The following EPHB1 variants were observed in gnomAD, a reference collection of about 807,000 sequenced individuals.
EPHB1 encodes the protein EPH receptor B1.
Under a neutral mutation model 94.4 loss-of-function variants are expected in EPHB1, and 30 were observed. The ratio of observed to expected loss-of-function variants is 0.32; its 90% CI spans 0.24 to 0.43. The LOEUF (loss-of-function observed/expected upper bound fraction) is 0.43. Ranked by LOEUF, EPHB1 falls within the 20% of genes least tolerant of loss-of-function variation. EPHB1 has a pLI of 1.00. For synonymous variants in EPHB1, 522 were observed against 489.1 expected, an observed-to-expected ratio of 1.07 and a Z score of -0.89; for missense variants, 1,055 against 1,308.3, an observed-to-expected ratio of 0.81 and a Z score of 2.99.
At chr3:135,198,918 C>T (rs1942690991) in intron 11 of EPHB1, among the ~76,000 whole-genome samples, 1 of 152,152 alleles carries the variant, frequency 6.6e-6, no homozygotes, top group Admixed American at 6.5e-5. Flanking sequence ...AGCCTGGATC[C>T]AAATCAGGTC....
At chr3:134,847,925 T>C (rs1393793783) in intron 1 of EPHB1, among the ~76,000 whole-genome samples, 6 of 152,258 alleles carry the variant, frequency 3.9e-5, no homozygotes, top group Non-Finnish European at 7.3e-5. Context: ...CACTGAGCCT[T>C]GCACATACTT....
chr3:134,924,169 A>T (rs1271808392), intron 1 of EPHB1, among the ~76,000 whole-genome samples: 1 of 152,240 alleles, frequency 6.6e-6, no homozygotes, highest in Non-Finnish European at 1.5e-5. Context: ...GGAGAAAAAA[A>T]TCTTTGTGAC....
chr3:134,913,992 T>C (rs2038512140), intron 1 of EPHB1, among the ~76,000 whole-genome samples: 1 of 152,108 alleles, frequency 6.6e-6, no homozygotes, highest in Non-Finnish European at 1.5e-5. Flanking sequence ...GCATGGTGTA[T>C]GTGGGGAGGT....
intron 3 of EPHB1, chr3:135,067,688 G>C (rs1937600036): frequency 6.6e-6 from 1 of 152,206 alleles, no homozygotes; most frequent in Admixed American, 6.5e-5. Context: ...ACCCTCCCCT[G>C]AGTTCTGGCC....
intron 13 of EPHB1, among the ~76,000 whole-genome samples, chr3:135,245,084 T>G (rs1943886990): frequency 6.6e-6 from 1 of 152,210 alleles, no homozygotes; most frequent in East Asian, 1.9e-4. Flanking sequence ...TCAAATACTA[T>G]CTTCCTGGAC....
intron 9 of EPHB1, among the ~76,000 whole-genome samples, chr3:135,171,583 G>A (rs560952064): frequency 6.6e-6 from 1 of 152,282 alleles, no homozygotes; most frequent in African/African-American, 2.4e-5. Flanking sequence ...AATGTTAGCA[G>A]GATAAATCTG....
At chr3:135,156,595 G>A (rs1941363442) in intron 6 of EPHB1, among the ~76,000 whole-genome samples, 1 of 152,234 alleles carries the variant, frequency 6.6e-6, no homozygotes, top group African/African-American at 2.4e-5. Flanking sequence ...CTGTAAGGAG[G>A]TATGCCCTTC....
intron 3 of EPHB1, among the ~76,000 whole-genome samples, chr3:135,081,653 T>C (rs1393212646): frequency 6.6e-6 from 1 of 152,174 alleles, no homozygotes; most frequent in Non-Finnish European, 1.5e-5. Context: ...GTGCTTCTTA[T>C]TGGTGGACTG....
At chr3:135,187,896 C>A (rs771381503) in intron 10 of EPHB1, among the ~76,000 whole-genome samples, 1 of 152,170 alleles carries the variant, frequency 6.6e-6, no homozygotes, top group Non-Finnish European at 1.5e-5. Flanking sequence ...CTACCTACTT[C>A]TGTTTTGTCT....
At chr3:135,161,378 A>G (rs1297301418) in intron 6 of EPHB1, among the ~76,000 whole-genome samples, 1 of 152,116 alleles carries the variant, frequency 6.6e-6, no homozygotes, top group Non-Finnish European at 1.5e-5. Context: ...ATGCTGGCGG[A>G]AAGTAGCTGG....
At chr3:135,173,228 G>C (rs1039398424) in intron 9 of EPHB1, among the ~76,000 whole-genome samples, 1 of 151,472 alleles carries the variant, frequency 6.6e-6, no homozygotes, top group Admixed American at 6.6e-5. Context: ...TAGAGACGGG[G>C]TTTCACCGTT....
At chr3:135,185,879 C>G (rs1194971931) in intron 10 of EPHB1, among the ~76,000 whole-genome samples, 1 of 152,216 alleles carries the variant, frequency 6.6e-6, no homozygotes, top group East Asian at 1.9e-4. Context: ...ATGATACCAT[C>G]CTAGAATTCA....
chr3:135,177,931 A>G (rs1942030483), intron 9 of EPHB1, among the ~76,000 whole-genome samples: 1 of 152,154 alleles, frequency 6.6e-6, no homozygotes, highest in Admixed American at 6.5e-5. Flanking sequence ...ACACACGCAC[A>G]TCCCTGATAT....
intron 10 of EPHB1, among the ~76,000 whole-genome samples, chr3:135,181,934 A>T (rs556049623): frequency 6.6e-6 from 1 of 152,186 alleles, no homozygotes; most frequent in African/African-American, 2.4e-5. Context: ...AGTAGTTTCT[A>T]TGATGCCCAG....
chr3:134,844,007 A>G (rs535095753), intron 1 of EPHB1, among the ~76,000 whole-genome samples: 2 of 152,228 alleles, frequency 1.3e-5, no homozygotes, highest in African/African-American at 4.8e-5. Flanking sequence ...AATGTATTAT[A>G]GCAACTCTGA....
At chr3:135,222,087 T>A (rs941340251) in intron 12 of EPHB1, among the ~76,000 whole-genome samples, 1 of 152,154 alleles carries the variant, frequency 6.6e-6, no homozygotes, top group Non-Finnish European at 1.5e-5. Flanking sequence ...AGATCAAAAT[T>A]TAAACCCTGG....
intron 3 of EPHB1, 28 bp from the exon 4 acceptor site, chr3:135,106,420 A>G (rs1273882210): frequency 2.5e-6 from 4 of 1,611,210 alleles, no homozygotes; most frequent in Non-Finnish European, 3.4e-6. Flanking sequence ...ACTTCCATTA[A>G]TTATCACATG....
At chr3:135,242,847 G>A (rs1943819022) in intron 13 of EPHB1, among the ~76,000 whole-genome samples, 1 of 152,110 alleles carries the variant, frequency 6.6e-6, no homozygotes, top group African/African-American at 2.4e-5. Flanking sequence ...GAAGGTGGAG[G>A]CAGGTGGATT....
chr3:135,229,017 T>C (rs1461768985), intron 12 of EPHB1, among the ~76,000 whole-genome samples: 1 of 152,174 alleles, frequency 6.6e-6, no homozygotes, highest in Non-Finnish European at 1.5e-5. Flanking sequence ...TCCCAGTGCC[T>C]GTTAAAAGAG....
Sources: allele counts gnomAD v4.1 joint callset (sites outside exome capture counted in the v4.1 genomes callset), GRCh38; gene constraint gnomAD v4.1.1; transcripts MANE v1.5; gene names NCBI Gene and HGNC (gene_info 2026-07-23, HGNC 2026-07-21).